The following SND1 variants were observed in gnomAD, a reference collection of about 807,000 sequenced individuals.
SND1 encodes staphylococcal nuclease and tudor domain containing 1.
A neutral mutation model predicts 121.7 loss-of-function variants in SND1; 38 were observed. The ratio of observed to expected loss-of-function variants is 0.31; its 90% CI spans 0.24 to 0.41. SND1 has a LOEUF of 0.41. Ranked by LOEUF, SND1 falls within the 10% of genes least tolerant of loss-of-function variation. The probability of loss-of-function intolerance (pLI) is 1.00; values close to 1 mark genes in which losing one functional copy is unlikely to be tolerated. For missense variants in SND1, 868 were observed against 1,184.6 expected (o/e 0.73, Z 3.92); for synonymous variants, 401 against 447.4 (o/e 0.90, Z 1.31).
At chr7:127,927,293 C>G (rs1383426290) in intron 14 of SND1, among the ~76,000 whole-genome samples, 1 of 152,168 alleles carries the variant, frequency 6.6e-6, no homozygotes, top group Non-Finnish European at 1.5e-5. Context: ...GTAATTTGCT[C>G]TGATCTTGAG....
chr7:127,925,601 G>C (rs1041843944), intron 14 of SND1, among the ~76,000 whole-genome samples: 2 of 150,946 alleles, frequency 1.3e-5, no homozygotes, highest in East Asian at 3.9e-4. Context: ...ATGGTTGTGG[G>C]TGTTTCTTTT....
intron 10 of SND1, among the ~76,000 whole-genome samples, chr7:127,791,541 A>G (rs1797910115): frequency 6.6e-6 from 1 of 152,202 alleles, no homozygotes; most frequent in African/African-American, 2.4e-5. Context: ...TGTTAAATAT[A>G]TTCACTTTAT....
intron 1 of SND1, among the ~76,000 whole-genome samples, chr7:127,680,192 C>A (rs1010993884): frequency 4.6e-5 from 7 of 152,078 alleles, no homozygotes; most frequent in Non-Finnish European, 1.0e-4. Context: ...TCACAGAGAT[C>A]ACGTACTTCA....
chr7:127,743,937 G>C (rs1305656403), intron 10 of SND1, among the ~76,000 whole-genome samples: 2 of 152,002 alleles, frequency 1.3e-5, no homozygotes, highest in Admixed American at 6.6e-5. Flanking sequence ...TTTTATCGAC[G>C]GGCATGTAAA....
intron 14 of SND1, among the ~76,000 whole-genome samples, chr7:127,925,084 T>C (rs771213009): frequency 1.3e-5 from 2 of 152,226 alleles, no homozygotes; most frequent in African/African-American, 2.4e-5. Context: ...CATTACTTTC[T>C]CAATTTCAAG....
intron 15 of SND1, among the ~76,000 whole-genome samples, chr7:127,985,003 C>T (rs1394511943): frequency 6.6e-6 from 1 of 152,230 alleles, no homozygotes; most frequent in Admixed American, 6.5e-5. Flanking sequence ...ATTGGTTCAC[C>T]TGGCATCTGC....
At chr7:127,717,619 G>A (rs1271181673) in intron 9 of SND1, among the ~76,000 whole-genome samples, 2 of 152,166 alleles carry the variant, frequency 1.3e-5, no homozygotes, top group East Asian at 3.8e-4. Context: ...TAGGGAGTGG[G>A]AAAAACAGCC....
chr7:127,796,758 T>C (rs910702480), intron 10 of SND1, among the ~76,000 whole-genome samples: 1 of 152,200 alleles, frequency 6.6e-6, no homozygotes, highest in Non-Finnish European at 1.5e-5. Flanking sequence ...AAATGTTCCT[T>C]GAGTGTGAAC....
chr7:127,707,793 G>A, intron 9 of SND1, 146 bp downstream of exon 9: 1 of 606,452 alleles, frequency 1.6e-6, no homozygotes, highest in Non-Finnish European at 2.9e-6. Flanking sequence ...GTGTGTGTGT[G>A]TGTGTGTGTG....
intron 14 of SND1, among the ~76,000 whole-genome samples, chr7:127,909,190 A>C (rs139857009): frequency 0.011 from 1,675 of 152,262 alleles, 22 homozygotes; most frequent in Non-Finnish European, 0.014. Flanking sequence ...CTTATTTCTG[A>C]AAGTCCCAGA....
At chr7:127,888,961 C>T (rs780473846) in intron 13 of SND1, among the ~76,000 whole-genome samples, 1 of 152,026 alleles carries the variant, frequency 6.6e-6, no homozygotes, top group Non-Finnish European at 1.5e-5. Context: ...GCTCTTTGGC[C>T]CATAACATTG....
intron 16 of SND1, among the ~76,000 whole-genome samples, chr7:128,050,744 C>A (rs1793031174): frequency 6.6e-6 from 1 of 152,214 alleles, no homozygotes. Flanking sequence ...TTCCCACAAC[C>A]ATCTACCTAT....
At chr7:128,083,668 C>G (rs1469758552) in intron 18 of SND1, among the ~76,000 whole-genome samples, 2 of 152,246 alleles carry the variant, frequency 1.3e-5, no homozygotes, top group Non-Finnish European at 2.9e-5. Context: ...ATAAGGCTGA[C>G]TGTGGCAAGT....
intron 10 of SND1, among the ~76,000 whole-genome samples, chr7:127,780,134 C>T (rs1797693940): frequency 6.6e-6 from 1 of 152,134 alleles, no homozygotes; most frequent in Non-Finnish European, 1.5e-5. Context: ...CCATTCCTAC[C>T]CTGAAGCAAT....
At chr7:127,922,182 T>TG (rs1800724266) in intron 14 of SND1, among the ~76,000 whole-genome samples, 1 of 83,416 alleles carries the variant, frequency 1.2e-5, no homozygotes, top group Non-Finnish European at 2.6e-5. Context: ...TTCCTTTTTT[T>TG]TTTTTTTTTT....
At chr7:127,764,534 A>G (rs2116483753) in intron 10 of SND1, among the ~76,000 whole-genome samples, 1 of 152,348 alleles carries the variant, frequency 6.6e-6, no homozygotes, top group Middle Eastern at 3.4e-3. Flanking sequence ...TGCATAGAGT[A>G]GAGTAACAAA....
chr7:127,825,526 A>G (rs1183145773), intron 11 of SND1, among the ~76,000 whole-genome samples: 1 of 149,920 alleles, frequency 6.7e-6, no homozygotes, highest in African/African-American at 2.5e-5. Context: ...TTGTGCCTCA[A>G]CCTCCCGAGT....
intron 13 of SND1, among the ~76,000 whole-genome samples, chr7:127,894,277 C>G (rs1800073855): frequency 6.6e-6 from 1 of 151,690 alleles, no homozygotes; most frequent in South Asian, 2.1e-4. Flanking sequence ...AGGAAATGCT[C>G]TTGGTCTTCC....
intron 16 of SND1, chr7:128,008,255 G>C (rs914044261): frequency 1.3e-5 from 2 of 152,202 alleles, no homozygotes; most frequent in African/African-American, 4.8e-5. Flanking sequence ...ACTCCTCCTA[G>C]ACAGGGTTGC....
Sources: gnomAD v4.1 joint callset for allele counts (sites outside exome capture counted in the v4.1 genomes callset) on GRCh38, gnomAD v4.1.1 for gene constraint, MANE v1.5 for transcripts, NCBI Gene and HGNC (gene_info 2026-07-23, HGNC 2026-07-21) for gene names.